The following BCL7B variants were observed in gnomAD, a reference collection of about 807,000 sequenced individuals.
BCL7B encodes BAF chromatin remodeling complex subunit BCL7B, also known as B-cell CLL/lymphoma 7 protein family member B.
A neutral mutation model predicts 26.5 loss-of-function variants in BCL7B; 11 were observed. The observed-to-expected ratio is 0.42, with a 90% CI of 0.26 to 0.69. The LOEUF (loss-of-function observed/expected upper bound fraction) is 0.69, where lower values mean the gene tolerates loss of function less well. Ranked by LOEUF, BCL7B falls within the 30% of genes least tolerant of loss-of-function variation. The pLI is 0.28. For synonymous variants in BCL7B, 111 were observed against 107.9 expected, an observed-to-expected ratio of 1.03 and a Z score of -0.18; for missense variants, 215 against 264.4, an observed-to-expected ratio of 0.81 and a Z score of 1.30.
intron 5 of BCL7B, 130 bp from the exon 6 acceptor site, chr7:73,537,520 A>AAG (rs1554582284): frequency 1.5e-6 from 1 of 685,694 alleles, no homozygotes; most frequent in African/African-American, 1.8e-5. Context: ...CCCTGCCTAC[A>AAG]ACCCTGGGAC....
chr7:73,543,702 G>A (rs1789587505), intron 2 of BCL7B, 58 bp from the exon 3 acceptor site: 2 of 1,403,140 alleles, frequency 1.4e-6, no homozygotes, highest in African/African-American at 2.8e-5. Flanking sequence ...CACAGAGAGG[G>A]AGGAGGGTGC....
intron 1 of BCL7B, among the ~76,000 whole-genome samples, chr7:73,555,401 C>CAAAAAA (rs71517395): frequency 7.3e-6 from 1 of 136,768 alleles, no homozygotes; most frequent in African/African-American, 2.9e-5. Context: ...GACTCTGTCT[C>CAAAAAA]AAAAAAAAAG....
intron 1 of BCL7B, among the ~76,000 whole-genome samples, chr7:73,555,715 A>C (rs1356359057): frequency 1.3e-5 from 2 of 152,166 alleles, no homozygotes; most frequent in Non-Finnish European, 2.9e-5. Flanking sequence ...GAACCACTGA[A>C]GCATTACTAG....
In BCL7B at chr7:73,544,925, G is replaced by A. The variant is rs189909875; in HGVS notation, c.169-1281C>T. On this transcript the variant is annotated intron_variant, in intron 2 of 5. Transcript: ENST00000223368. ...AAATAAAAAATGAGCCATGTATGGT[G>A]GCATAGGCTGGTGGTCCCAGCTACT... Among the ~76,000 whole-genome samples, 14 of 152,154 alleles carry A rather than the reference G, an allele frequency of 9.2e-5. No homozygotes were observed. The East Asian group carries it at 1.5e-3, about 17-fold the overall frequency.
chr7:73,543,778 C>A, intron 2 of BCL7B, 134 bp from the exon 3 acceptor site: 2 of 640,398 alleles, frequency 3.1e-6, no homozygotes, highest in South Asian at 1.8e-5. Context: ...CGTGAGAATC[C>A]AAGGACCCAA....
chr7:73,538,052 C>T (rs782431174), intron 4 of BCL7B, 39 bp from the exon 5 acceptor site: 7 of 1,420,740 alleles, frequency 4.9e-6, no homozygotes, highest in South Asian at 3.8e-5. Context: ...GCAGGGCTCC[C>T]CTGAGGCCTG....
intron 4 of BCL7B, chr7:73,539,623 C>A: frequency 2.3e-6 from 1 of 427,472 alleles, no homozygotes; most frequent in East Asian, 3.6e-5. Context: ...TGCCACCTCA[C>A]AGGATTTTTG....
intron 1 of BCL7B, 103 bp downstream of exon 1, chr7:73,557,384 C>T (rs1382430965): frequency 8.6e-7 from 1 of 1,168,964 alleles, no homozygotes; most frequent in Non-Finnish European, 1.1e-6. Flanking sequence ...GCACCCCCCT[C>T]CCCCAGCGCC....
chr7:73,545,370 G>C (rs1212364628), intron 2 of BCL7B, among the ~76,000 whole-genome samples: 2 of 151,824 alleles, frequency 1.3e-5, no homozygotes, highest in African/African-American at 4.8e-5. Context: ...CCACTACCAT[G>C]CCCAGCTAAT....
At chr7:73,539,376 G>A (rs536127411) in intron 4 of BCL7B, among the ~76,000 whole-genome samples, 5 of 151,532 alleles carry the variant, frequency 3.3e-5, no homozygotes, top group African/African-American at 9.7e-5. Flanking sequence ...CTCAGCCTCC[G>A]GAGTAGCTGG....
chr7:73,543,817 TCTC>T (rs1313020972), intron 2 of BCL7B, 173 bp from the exon 3 acceptor site: 2 of 556,782 alleles, frequency 3.6e-6, no homozygotes, highest in Non-Finnish European at 6.4e-6. Flanking sequence ...ACAAGCAACT[TCTC>T]CTCAAGCCTC....
intron 2 of BCL7B, among the ~76,000 whole-genome samples, chr7:73,548,652 C>T (rs1189724985): frequency 1.3e-5 from 2 of 150,980 alleles, no homozygotes. Context: ...AGGAGCAGGC[C>T]GGGCACAGTG....
In BCL7B at chr7:73,543,585, A is replaced by AT; in HGVS notation, c.227dup (p.Asp76GlufsTer11). 6.2e-7 allele frequency: 1 copy of AT among 1,613,984 alleles called. No individual in the cohort carries two copies. Among genetic ancestry groups the AT allele is most frequent in the Non-Finnish European group, 8.5e-7 (1 of 1,179,966 alleles). Reference sequence around the variant, plus strand: ...GAAGGAGAGAGGAATTGGCTGAGGCATCAGAAGGAAAGCCATTAGGTTCTC... The same window carrying AT: ...GAAGGAGAGAGGAATTGGCTGAGGCATTCAGAAGGAAAGCCATTAGGTTCTC... On this transcript the variant is annotated frameshift_variant, in exon 3 of 6. Coordinates refer to ENST00000223368, the MANE Select transcript of BCL7B (RefSeq NM_001707.4). LOFTEE classifies it high-confidence loss of function.
chr7:73,552,148 G>A lies in BCL7B; in HGVS notation c.168+19C>T. 1 of 1,531,894 alleles carries A rather than the reference G, an allele frequency of 6.5e-7. No homozygotes were observed. The highest frequency in any genetic ancestry group is 9.0e-7 in the Non-Finnish European group (1 of 1,115,660). 94.9% of individuals were successfully genotyped at this position (1,531,894 alleles called of 1,614,324 possible). A position where few individuals can be genotyped will look rare whatever the true frequency, so the allele number is the denominator to read the frequency against. The stretch of plus-strand genomic sequence containing the variant: ...AGAAATAAAGAAAATGGTATCTTTT[G>A]ATTTTCTTCCACACTTACCTCCTTG... On this transcript the variant is annotated intron_variant, in intron 2 of 5. Coordinates refer to ENST00000223368, the MANE Select transcript of BCL7B (RefSeq NM_001707.4).
At chr7:73,549,630 A>G (rs1305581664) in intron 2 of BCL7B, among the ~76,000 whole-genome samples, 3 of 152,222 alleles carry the variant, frequency 2.0e-5, no homozygotes, top group Non-Finnish European at 4.4e-5. Context: ...CTAGGTTGAC[A>G]TAGCAAACTC....
intron 1 of BCL7B, among the ~76,000 whole-genome samples, chr7:73,555,938 T>A (rs17145732): frequency 7.5e-4 from 114 of 151,824 alleles, no homozygotes; most frequent in Non-Finnish European, 1.4e-3. Flanking sequence ...AATCACTCAG[T>A]GCAAATGAAC....
At chr7:73,538,106 G>A in intron 4 of BCL7B, 93 bp from the exon 5 acceptor site, 1 of 701,956 alleles carries the variant, frequency 1.4e-6, no homozygotes, top group South Asian at 2.2e-5. Context: ...GTGGCTTGGT[G>A]AGGAGGGGAG....
chr7:73,540,784 C>T (rs1318677913), intron 3 of BCL7B, among the ~76,000 whole-genome samples: 1 of 138,510 alleles, frequency 7.2e-6, no homozygotes, highest in Non-Finnish European at 1.5e-5. Flanking sequence ...GAGCCGAGAT[C>T]GCGCCATTGC....
intron 4 of BCL7B, 87 bp from the exon 5 acceptor site, chr7:73,538,100 C>A: frequency 1.3e-6 from 1 of 780,838 alleles, no homozygotes; most frequent in Non-Finnish European, 2.0e-6. Context: ...GTGGAGGTGG[C>A]TTGGTGAGGA....
Sources: allele counts gnomAD v4.1 joint callset (sites outside exome capture counted in the v4.1 genomes callset), GRCh38; gene constraint gnomAD v4.1.1; transcripts MANE v1.5; gene names NCBI Gene and HGNC (gene_info 2026-07-23, HGNC 2026-07-21).